The following PTPRN2 variants were observed in gnomAD, a reference collection of about 807,000 sequenced individuals.
PTPRN2 encodes receptor-type tyrosine-protein phosphatase N2.
PTPRN2 carries 74 observed loss-of-function variants against 118.8 expected under a neutral mutation model. The ratio of observed to expected loss-of-function variants is 0.62; its 90% CI spans 0.52 to 0.76. The LOEUF is 0.76. Among genes scored for constraint, PTPRN2 ranks in the 30% least tolerant of loss-of-function variants. The probability of loss-of-function intolerance (pLI) is 0.00; values close to 1 mark genes in which losing one functional copy is unlikely to be tolerated. For missense variants in PTPRN2, 1,481 were observed against 1,394.4 expected, an observed-to-expected ratio of 1.06 and a Z score of -0.99; for synonymous variants, 641 against 608.0, an observed-to-expected ratio of 1.05 and a Z score of -0.80.
chr7:157,658,710 G>A (rs1795728756), intron 13 of PTPRN2, among the ~76,000 whole-genome samples: 2 of 152,204 alleles, frequency 1.3e-5, no homozygotes, highest in African/African-American at 4.8e-5. Context: ...AGGATAGCCC[G>A]TCCTATTGCC....
chr7:158,375,753 A>G (rs1810451364), intron 2 of PTPRN2, among the ~76,000 whole-genome samples: 2 of 152,032 alleles, frequency 1.3e-5, no homozygotes, highest in Admixed American at 1.3e-4. Flanking sequence ...GTGGCGTGTC[A>G]GGGAAGGAGA....
chr7:157,574,659 G>A (rs922312556), intron 19 of PTPRN2, among the ~76,000 whole-genome samples: 19 of 152,328 alleles, frequency 1.2e-4, no homozygotes, highest in African/African-American at 4.1e-4. Context: ...CCTGGCGAAC[G>A]CGCCAGGCCA....
chr7:158,490,759 G>C (rs1447610987), intron 1 of PTPRN2, among the ~76,000 whole-genome samples: 1 of 152,362 alleles, frequency 6.6e-6, no homozygotes, highest in South Asian at 2.1e-4. Context: ...ACAAACGCCT[G>C]TTCATCCGCT....
At chr7:158,508,206 G>A (rs950946546) in intron 1 of PTPRN2, among the ~76,000 whole-genome samples, 13 of 152,184 alleles carry the variant, frequency 8.5e-5, no homozygotes, top group Non-Finnish European at 1.5e-5. Context: ...GGAGGTCAGT[G>A]AGGACCGTCC....
intron 9 of PTPRN2, among the ~76,000 whole-genome samples, chr7:158,114,396 A>G (rs1816557407): frequency 6.6e-6 from 1 of 152,214 alleles, no homozygotes. Context: ...CCAAACTCCC[A>G]CACCATAAAA....
intron 1 of PTPRN2, among the ~76,000 whole-genome samples, chr7:158,543,007 C>T (rs1001386236): frequency 8.6e-5 from 13 of 151,290 alleles, no homozygotes; most frequent in African/African-American, 3.2e-4. Flanking sequence ...TGTCATGCGC[C>T]GGGTTGGGTC....
At chr7:158,323,964 C>A (rs942771806) in intron 2 of PTPRN2, among the ~76,000 whole-genome samples, 4 of 126,152 alleles carry the variant, frequency 3.2e-5, no homozygotes, top group Non-Finnish European at 5.2e-5. Flanking sequence ...CATTCCAACA[C>A]ATGTACACAC....
chr7:158,180,130 T>C (rs1325486866), intron 5 of PTPRN2, among the ~76,000 whole-genome samples: 2 of 152,280 alleles, frequency 1.3e-5, no homozygotes, highest in Non-Finnish European at 2.9e-5. Context: ...CCTGGTGGGC[T>C]AAGCCCCACT....
At chr7:158,325,357 TTA>T (rs3033217) in intron 2 of PTPRN2, among the ~76,000 whole-genome samples, 59,928 of 137,692 alleles carry the variant, frequency 0.44, 12,041 homozygotes, top group Middle Eastern at 0.49. Flanking sequence ...CTACTTTTAC[TTA>T]TATGTCTTTT....
Position 158,570,354 on chromosome 7 carries a change from T to C in PTPRN2, c.112+17204A>G, listed in dbSNP as rs1827947058. On this transcript the variant is annotated intron_variant, in intron 1 of 22. Transcript: ENST00000389418. The surrounding 1 kb of genome is among the most constrained non-coding windows in gnomAD (Gnocchi z 4.5). Reference sequence around the variant, plus strand: ...TGCCAACCGGGACAAGGTGTTTTGCTGAATAAATAAATTAATACATAATAA... The same window carrying C: ...TGCCAACCGGGACAAGGTGTTTTGCCGAATAAATAAATTAATACATAATAA... 6.6e-6 allele frequency among the ~76,000 whole-genome samples: 1 copy of C among 152,198 alleles called. No individual in the cohort carries two copies. The highest frequency in any genetic ancestry group is 2.4e-5 in the African/African-American group (1 of 41,464).
At chr7:157,847,510 GC>G in intron 12 of PTPRN2, among the ~76,000 whole-genome samples, 1 of 140,812 alleles carries the variant, frequency 7.1e-6, no homozygotes, top group African/African-American at 2.7e-5. Context: ...ACTCCATCAT[GC>G]GTGCCCGATG....
intron 2 of PTPRN2, among the ~76,000 whole-genome samples, chr7:158,461,027 A>C (rs376565133): frequency 1.3e-5 from 2 of 152,184 alleles, no homozygotes; most frequent in East Asian, 1.9e-4. Flanking sequence ...CCTCAAACCC[A>C]AGACACACTG....
intron 11 of PTPRN2, among the ~76,000 whole-genome samples, chr7:158,016,064 A>T (rs1036302999): frequency 6.6e-6 from 1 of 152,182 alleles, no homozygotes; most frequent in African/African-American, 2.4e-5. Flanking sequence ...TTCCTCGTTC[A>T]GGGAATAAGA....
At chr7:158,129,015 A>G (rs943494714) in intron 9 of PTPRN2, among the ~76,000 whole-genome samples, 4 of 150,324 alleles carry the variant, frequency 2.7e-5, no homozygotes, top group African/African-American at 9.7e-5. Context: ...GCAACACACT[A>G]TGTGCCACAC....
intron 6 of PTPRN2, among the ~76,000 whole-genome samples, chr7:158,150,957 C>G (rs897445793): frequency 6.6e-6 from 1 of 151,984 alleles, no homozygotes; most frequent in Non-Finnish European, 1.5e-5. Flanking sequence ...TTCTGTGCAT[C>G]CCACCCTGCT....
chr7:158,496,137 G>C (rs1377798529), intron 1 of PTPRN2, among the ~76,000 whole-genome samples: 1 of 151,800 alleles, frequency 6.6e-6, no homozygotes, highest in African/African-American at 2.4e-5. Context: ...CTCCACATGA[G>C]AGGGACTGAC....
chr7:157,747,409 C>T (rs1801042512), intron 12 of PTPRN2, among the ~76,000 whole-genome samples: 2 of 139,024 alleles, frequency 1.4e-5, no homozygotes, highest in African/African-American at 5.6e-5. Flanking sequence ...ATTCTGAGGC[C>T]TGCGTCCCTG....
At position 158,126,542 on chromosome 7, in the gene PTPRN2, CGGG is replaced by C. The variant is rs2150408898; in HGVS notation, c.1556+7132_1556+7134del. 1.5e-4 allele frequency among the ~76,000 whole-genome samples: 13 copies of C among 84,200 alleles called. 4 individuals are homozygous for C. The highest frequency in any genetic ancestry group is 8.1e-4 in the African/African-American group (13 of 16,028). 55.2% of individuals were successfully genotyped at this position (84,200 alleles called of 152,430 possible). On this transcript the variant is annotated intron_variant, in intron 9 of 22. Coordinates refer to ENST00000389418, the MANE Select transcript of PTPRN2 (RefSeq NM_002847.5). ...CTCCGCCACACCAGCCCCCGGAGAG[CGGG>C]CGGCGGAACTTCCTCTCCGCCACAC... is the stretch of plus-strand genomic sequence containing the variant.
chr7:157,576,462 T>A lies in PTPRN2; in HGVS notation c.2783+151A>T. On this transcript the variant is annotated intron_variant, in intron 19 of 22. Transcript: ENST00000389418. ...ATTAACACGTGCCGTTAACGGAGTC[T>A]TCCCGCCTCTCGCTTCCCTTCCCCT... 7.5e-6 allele frequency: 6 copies of A among 802,768 alleles called. No homozygotes were observed. The South Asian group carries it at 1.2e-4, about 16-fold the overall frequency. The allele number at this position is 802,768 out of a possible 1,614,324, so 49.7% of individuals were successfully genotyped here.
Sources: gnomAD v4.1 joint callset for allele counts (sites outside exome capture counted in the v4.1 genomes callset) on GRCh38, gnomAD v4.1.1 for gene constraint, Gnocchi (gnomAD v3.1) non-coding constraint, MANE v1.5 for transcripts, NCBI Gene and HGNC (gene_info 2026-07-23, HGNC 2026-07-21) for gene names.